AFAP1: variants seen among roughly 807,000 people sequenced by gnomAD.
AFAP1 encodes the protein actin filament-associated protein 1.
Under a neutral mutation model 93.9 loss-of-function variants are expected in AFAP1, and 75 were observed. That is an observed-to-expected ratio of 0.80 (90% confidence interval 0.66 to 0.97). The LOEUF (loss-of-function observed/expected upper bound fraction) is 0.97, where lower values mean the gene tolerates loss of function less well. AFAP1 is among the 50% of genes least tolerant of loss of function. The pLI is 0.00. For synonymous variants in AFAP1, 517 were observed against 430.7 expected (o/e 1.20, Z -2.48); for missense variants, 1,201 against 1,050.8 (o/e 1.14, Z -1.98).
rs35550085 is a variant in AFAP1, at chr4:7,795,405, C to CTTT, written c.1267-1582_1267-1580dup. Among the ~76,000 whole-genome samples, 16 of 62,100 alleles carry CTTT rather than the reference C, an allele frequency of 2.6e-4. 2 individuals carry two copies. The highest frequency in any genetic ancestry group is 2.8e-4 in the Non-Finnish European group (10 of 36,142). 40.7% of individuals were successfully genotyped at this position (62,100 alleles called of 152,430 possible). On this transcript the variant is annotated intron_variant, in intron 10 of 17. Transcript: ENST00000420658. ...TCTTATGTCCTTCCTAAAACAAAAT[C>CTTT]TTTTTTTTTTTTTTTTTTTTTTTTT...
intron 6 of AFAP1, among the ~76,000 whole-genome samples, chr4:7,827,657 G>C (rs756535937): frequency 2.0e-5 from 3 of 147,974 alleles, no homozygotes; most frequent in African/African-American, 7.5e-5. Flanking sequence ...GCTTTTGAGA[G>C]ACACCAACCC....
chr4:7,880,397 A>G (rs1717772886), intron 1 of AFAP1, among the ~76,000 whole-genome samples: 1 of 149,656 alleles, frequency 6.7e-6, no homozygotes, highest in Non-Finnish European at 1.5e-5. Flanking sequence ...CTCCTGCCTC[A>G]GCCTCCTGAG....
intron 1 of AFAP1, among the ~76,000 whole-genome samples, chr4:7,904,552 A>G (rs1341241992): frequency 1.3e-5 from 2 of 152,184 alleles, no homozygotes; most frequent in Non-Finnish European, 1.5e-5. Context: ...GAAATCCTGT[A>G]AGATCAGTAC....
In AFAP1 at chr4:7,782,243, G is replaced by A. The variant is rs148498075; in HGVS notation, c.1531-616C>T. 9.4e-3 allele frequency among the ~76,000 whole-genome samples: 1,431 copies of A among 152,362 alleles called. 17 individuals carry two copies. Among genetic ancestry groups the A allele is most frequent in the African/African-American group, 0.033 (1,365 of 41,576 alleles). On this transcript the variant is annotated intron_variant, in intron 12 of 17. Coordinates refer to ENST00000420658, the MANE Select transcript of AFAP1 (RefSeq NM_001134647.2). The stretch of plus-strand genomic sequence containing the variant: ...AGTGGCAGAGCGGAGGGAAGGGCGC[G>A]CTCATCCCCACGCGGTGCTCCCGCT...
chr4:7,785,796 G>T (rs1321168311), intron 12 of AFAP1, among the ~76,000 whole-genome samples: 1 of 152,162 alleles, frequency 6.6e-6, no homozygotes, highest in East Asian at 1.9e-4. Flanking sequence ...AAATGAGTGG[G>T]ATGTGGTGGT....
chr4:7,829,832 T>A (rs985491611), intron 6 of AFAP1, among the ~76,000 whole-genome samples: 1 of 152,194 alleles, frequency 6.6e-6, no homozygotes, highest in Non-Finnish European at 1.5e-5. Flanking sequence ...ATAATACGAA[T>A]GCTGATAACC....
chr4:7,786,244 G>A lies in AFAP1; in HGVS notation c.1480C>T (p.Pro494Ser), dbSNP rs768741809. ...TCATAATGAAGTGCCGTCCCGCTGG[G>A]GTGGGCATAGCCGTTGGAGGTGCCC... is the stretch of plus-strand genomic sequence containing the variant. ...LGGTSNGYAH[P>S]SGTALHYDDV... The change falls in exon 12 of 18, where the codon CCC becomes TCC. Residue 494 changes from proline to serine, a missense_variant. Pro to Ser is a moderately conservative substitution (Grantham distance 74). Coordinates refer to ENST00000420658, the MANE Select transcript of AFAP1 (RefSeq NM_001134647.2). The A allele has an allele frequency of 1.2e-6, 2 of 1,614,140 alleles. No individual in the cohort carries two copies. The highest frequency in any genetic ancestry group is 1.1e-5 in the South Asian group (1 of 91,064).
intron 3 of AFAP1, among the ~76,000 whole-genome samples, chr4:7,856,491 T>TG (rs1715092801): frequency 6.6e-6 from 1 of 152,146 alleles, no homozygotes; most frequent in African/African-American, 2.4e-5. Flanking sequence ...CAGCCCGCCT[T>TG]GGCCTCCCAA....
intron 1 of AFAP1, among the ~76,000 whole-genome samples, chr4:7,899,429 C>G (rs1183260083): frequency 6.6e-6 from 1 of 152,170 alleles, no homozygotes. Context: ...ACAACATGCA[C>G]TGGTATGCAA....
intron 6 of AFAP1, among the ~76,000 whole-genome samples, chr4:7,826,116 C>T (rs1313173716): frequency 6.6e-6 from 1 of 152,168 alleles, no homozygotes; most frequent in Non-Finnish European, 1.5e-5. Context: ...AGGGGGAACC[C>T]ACCATATTTG....
chr4:7,857,691 C>T (rs1577303287), intron 3 of AFAP1, among the ~76,000 whole-genome samples: 1 of 152,222 alleles, frequency 6.6e-6, no homozygotes, highest in South Asian at 2.1e-4. Flanking sequence ...GCTTGATTCA[C>T]TGAGTATCTT....
intron 9 of AFAP1, among the ~76,000 whole-genome samples, chr4:7,802,439 T>G (rs1454529008): frequency 2.6e-5 from 4 of 152,224 alleles, no homozygotes; most frequent in Non-Finnish European, 5.9e-5. Context: ...GAGGCTTTAC[T>G]TCTTGAAGGA....
chr4:7,781,352 A>G, intron 13 of AFAP1, 24 bp downstream of exon 13: 1 of 1,549,892 alleles, frequency 6.5e-7, no homozygotes, highest in African/African-American at 1.4e-5. Context: ...TGGTTCTAGA[A>G]TCTTACAGAA....
At chr4:7,846,345 C>G (rs1264059970) in intron 4 of AFAP1, among the ~76,000 whole-genome samples, 1 of 152,120 alleles carries the variant, frequency 6.6e-6, no homozygotes, top group Non-Finnish European at 1.5e-5. Flanking sequence ...GTAAGCGTGG[C>G]TAGAACAAGG....
intron 1 of AFAP1, among the ~76,000 whole-genome samples, chr4:7,902,004 AT>A (rs1445135708): frequency 2.6e-5 from 4 of 152,326 alleles, no homozygotes; most frequent in African/African-American, 9.6e-5. Flanking sequence ...TGCTTATATA[AT>A]TTTTTAAACA....
At chr4:7,890,004 TAA>T (rs543991662) in intron 1 of AFAP1, among the ~76,000 whole-genome samples, 9 of 100,336 alleles carry the variant, frequency 9.0e-5, no homozygotes, top group Admixed American at 2.2e-4. Flanking sequence ...CAATTTTTGT[TAA>T]AAAAAAAAAA....
intron 11 of AFAP1, 36 bp from the exon 12 acceptor site, chr4:7,786,347 G>A (rs763551930): frequency 1.9e-6 from 3 of 1,550,344 alleles, no homozygotes; most frequent in African/African-American, 2.7e-5. Context: ...TCCATAACCT[G>A]ACCACCTTTT....
chr4:7,825,072 C>G (rs1361659051), intron 6 of AFAP1, among the ~76,000 whole-genome samples: 4 of 152,180 alleles, frequency 2.6e-5, no homozygotes, highest in African/African-American at 9.7e-5. Flanking sequence ...AGGGGTAATA[C>G]AAATATTATC....
chr4:7,766,009 T>C (rs1714516984), intron 17 of AFAP1, among the ~76,000 whole-genome samples: 2 of 152,208 alleles, frequency 1.3e-5, no homozygotes, highest in African/African-American at 4.8e-5. Flanking sequence ...AACTGGGTCA[T>C]GAGTACACTG....
Sources: allele counts gnomAD v4.1 joint callset (sites outside exome capture counted in the v4.1 genomes callset), GRCh38; gene constraint gnomAD v4.1.1; transcripts MANE v1.5; gene names NCBI Gene and HGNC (gene_info 2026-07-23, HGNC 2026-07-21).